ATRNL1: variants seen among roughly 807,000 people sequenced by gnomAD.
ATRNL1 encodes attractin like 1.
ATRNL1 carries 95 observed loss-of-function variants against 182.7 expected under a neutral mutation model. The ratio of observed to expected loss-of-function variants is 0.52; its 90% CI spans 0.44 to 0.62. ATRNL1 has a LOEUF of 0.62. Ranked by LOEUF, ATRNL1 falls within the 20% of genes least tolerant of loss-of-function variation. The probability of loss-of-function intolerance (pLI) is 0.00; values close to 1 mark genes in which losing one functional copy is unlikely to be tolerated. For missense variants in ATRNL1, 1,471 were observed against 1,679.5 expected (o/e 0.88, Z 2.17); for synonymous variants, 576 against 568.3 (o/e 1.01, Z -0.19).
At chr10:115,888,810 G>C (rs1373253728) in intron 28 of ATRNL1, among the ~76,000 whole-genome samples, 3 of 152,174 alleles carry the variant, frequency 2.0e-5, no homozygotes, top group African/African-American at 7.2e-5. Context: ...CATTTTCCTA[G>C]CATGTGGCTC....
chr10:115,120,149 A>T, intron 1 of ATRNL1, 36 bp from the exon 2 acceptor site: 1 of 1,241,310 alleles, frequency 8.1e-7, no homozygotes, highest in East Asian at 2.4e-5. Flanking sequence ...AGTTATTTTA[A>T]GGTAATTATT....
chr10:115,530,209 T>C (rs369724298), intron 25 of ATRNL1, among the ~76,000 whole-genome samples: 1 of 152,198 alleles, frequency 6.6e-6, no homozygotes, highest in African/African-American at 2.4e-5. Flanking sequence ...TTTATGTGGA[T>C]ATATATTTTC....
chr10:115,114,348 T>C (rs563563152), intron 1 of ATRNL1, among the ~76,000 whole-genome samples: 1 of 152,308 alleles, frequency 6.6e-6, no homozygotes, highest in Non-Finnish European at 1.5e-5. Flanking sequence ...AGCAATGACT[T>C]CTTGCATGAT....
chr10:115,738,060 A>G (rs1260930099), intron 27 of ATRNL1, among the ~76,000 whole-genome samples: 2 of 149,052 alleles, frequency 1.3e-5, no homozygotes, highest in African/African-American at 4.9e-5. Context: ...TTCAGTTGGT[A>G]GTAGACAGAA....
At chr10:115,338,532 G>A (rs2134086884) in intron 19 of ATRNL1, among the ~76,000 whole-genome samples, 1 of 152,228 alleles carries the variant, frequency 6.6e-6, no homozygotes. Context: ...CTTCTTTTGA[G>A]AAATATCTCT....
intron 21 of ATRNL1, among the ~76,000 whole-genome samples, chr10:115,433,465 CAG>C (rs1232515904): frequency 7.2e-5 from 11 of 152,074 alleles, no homozygotes; most frequent in Admixed American, 5.9e-4. Flanking sequence ...GCACATGGGG[CAG>C]AGTGATCTTA....
chr10:115,838,641 C>T (rs1365185869), intron 27 of ATRNL1, among the ~76,000 whole-genome samples: 2 of 152,112 alleles, frequency 1.3e-5, no homozygotes, highest in Non-Finnish European at 2.9e-5. Context: ...CTTACTCATT[C>T]GCACATTTGC....
intron 24 of ATRNL1, among the ~76,000 whole-genome samples, chr10:115,508,828 A>C (rs572559315): frequency 5.1e-4 from 77 of 152,176 alleles, no homozygotes; most frequent in Non-Finnish European, 8.8e-4. Flanking sequence ...GCTGATATAG[A>C]AGATACATGT....
chr10:115,187,973 C>T (rs1192762961), intron 8 of ATRNL1, among the ~76,000 whole-genome samples: 1 of 149,574 alleles, frequency 6.7e-6, no homozygotes, highest in African/African-American at 2.5e-5. Flanking sequence ...AGCCACCGCA[C>T]CCAGCTGGTT....
At chr10:115,411,444 A>G (rs2134340682) in intron 20 of ATRNL1, among the ~76,000 whole-genome samples, 1 of 152,148 alleles carries the variant, frequency 6.6e-6, no homozygotes, top group South Asian at 2.1e-4. Flanking sequence ...TTACTTCTTC[A>G]AAGTCTGTAA....
rs551822507 is a variant in ATRNL1, at chr10:115,843,223, A to C, written c.3904-4654A>C. 5.3e-5 allele frequency among the ~76,000 whole-genome samples: 8 copies of C among 152,210 alleles called. No individual in the cohort carries two copies. In the South Asian group the frequency reaches 1.7e-3, roughly 32 times the overall value. On this transcript the variant is annotated intron_variant, in intron 27 of 28. Coordinates refer to ENST00000355044, the MANE Select transcript of ATRNL1 (RefSeq NM_207303.4). ...CAACATGTACATCAATAAGTATAAT[A>C]AAACATTGGGAGACATAGGTCCCAA...
intron 26 of ATRNL1, among the ~76,000 whole-genome samples, chr10:115,567,600 A>G (rs1932581): frequency 0.64 from 96,707 of 151,920 alleles, 31,881 homozygotes; most frequent in Non-Finnish European, 0.71. Flanking sequence ...GTCTTTGTTG[A>G]TAGTTTTAGT....
chr10:115,613,335 AT>A (rs1479812455), intron 26 of ATRNL1, among the ~76,000 whole-genome samples: 1 of 152,040 alleles, frequency 6.6e-6, no homozygotes, highest in East Asian at 1.9e-4. Flanking sequence ...ACATTTAGTT[AT>A]TTGCACATGT....
At chr10:115,354,491 G>A (rs978801387) in intron 19 of ATRNL1, among the ~76,000 whole-genome samples, 1 of 151,746 alleles carries the variant, frequency 6.6e-6, no homozygotes, top group South Asian at 2.1e-4. Context: ...TTTCCCTTTA[G>A]CACTTTTAAT....
intron 24 of ATRNL1, among the ~76,000 whole-genome samples, chr10:115,472,769 G>C (rs1554972371): frequency 6.6e-6 from 1 of 150,944 alleles, no homozygotes; most frequent in African/African-American, 2.4e-5. Context: ...TCTTGTGTAT[G>C]AGAACATGTC....
At chr10:115,435,645 G>A (rs1436704339) in intron 21 of ATRNL1, among the ~76,000 whole-genome samples, 1 of 152,052 alleles carries the variant, frequency 6.6e-6, no homozygotes, top group Non-Finnish European at 1.5e-5. Flanking sequence ...CAAACTTTAC[G>A]AAGATTATGG....
At chr10:115,129,203 T>G in intron 4 of ATRNL1, 124 bp from the exon 5 acceptor site, 1 of 665,382 alleles carries the variant, frequency 1.5e-6, no homozygotes, top group Non-Finnish European at 2.5e-6. Context: ...AACTACATTG[T>G]GAAATTCTGT....
At position 115,279,210 on chromosome 10, in the gene ATRNL1, AAAAAAT is replaced by A. The variant is rs1199140620; in HGVS notation, c.2101-2142_2101-2137del. Among the ~76,000 whole-genome samples the A allele has an allele frequency of 3.8e-4, 58 of 151,514 alleles. 1 individual carries two copies. Among genetic ancestry groups the A allele is most frequent in the African/African-American group, 1.4e-3 (56 of 41,214 alleles). On this transcript the variant is annotated intron_variant, in intron 13 of 28. Coordinates refer to ENST00000355044, the MANE Select transcript of ATRNL1 (RefSeq NM_207303.4). ...GAGCAAGACTCTGTCTCAAAAAAAAAAAAAATAATAATAATAATAAAGACTCTTGAG... is the reference window on the plus strand; with the variant it reads ...GAGCAAGACTCTGTCTCAAAAAAAAAAATAATAATAATAAAGACTCTTGAG...
intron 18 of ATRNL1, among the ~76,000 whole-genome samples, chr10:115,325,355 TTGG>T (rs1854817113): frequency 6.6e-6 from 1 of 152,302 alleles, no homozygotes; most frequent in East Asian, 1.9e-4. Context: ...TAACACTCTT[TTGG>T]TAGTGGGGAA....
Sources: gnomAD v4.1 joint callset for allele counts (sites outside exome capture counted in the v4.1 genomes callset) on GRCh38, gnomAD v4.1.1 for gene constraint, MANE v1.5 for transcripts, NCBI Gene and HGNC (gene_info 2026-07-23, HGNC 2026-07-21) for gene names.